Variants in GRIA4 observed in about 807,000 individuals in gnomAD.
GRIA4 encodes the protein glutamate receptor 4.
A neutral mutation model predicts 104.0 loss-of-function variants in GRIA4; 34 were observed. That is an observed-to-expected ratio of 0.33 (90% CI 0.25 to 0.44). GRIA4 has a LOEUF of 0.44. GRIA4 is among the 20% of genes least tolerant of loss of function. The pLI, the probability that GRIA4 is intolerant of heterozygous loss-of-function variation, is 1.00. For synonymous variants in GRIA4, 386 were observed against 381.9 expected (o/e 1.01, Z -0.13); for missense variants, 750 against 1,096.5 (o/e 0.68, Z 4.46).
At chr11:105,845,625 G>C (rs1250581475) in intron 4 of GRIA4, among the ~76,000 whole-genome samples, 1 of 152,178 alleles carries the variant, frequency 6.6e-6, no homozygotes, top group Non-Finnish European at 1.5e-5. Flanking sequence ...GCTCACGCCT[G>C]TAAGTCCCAG....
chr11:105,805,490 A>AC (rs1479122154), intron 4 of GRIA4, among the ~76,000 whole-genome samples: 3 of 151,106 alleles, frequency 2.0e-5, no homozygotes, highest in African/African-American at 7.3e-5. Context: ...AAAAAAAAAA[A>AC]AAAAAACAAG....
chr11:105,906,747 C>T (rs1184327303), intron 9 of GRIA4, among the ~76,000 whole-genome samples: 2 of 152,126 alleles, frequency 1.3e-5, no homozygotes, highest in African/African-American at 4.8e-5. Context: ...TCACAGCAGG[C>T]TCTTCTAAGG....
chr11:105,811,283 C>T (rs757011445), intron 4 of GRIA4, among the ~76,000 whole-genome samples: 1 of 152,134 alleles, frequency 6.6e-6, no homozygotes, highest in Non-Finnish European at 1.5e-5. Context: ...CAGTCTTAGA[C>T]TATAGAAGAG....
intron 3 of GRIA4, among the ~76,000 whole-genome samples, chr11:105,685,296 G>A (rs1952844010): frequency 6.6e-6 from 1 of 152,036 alleles, no homozygotes. Context: ...AGAAATGGAT[G>A]ACACTTCACC....
At chr11:105,848,963 C>G (rs1944696254) in intron 4 of GRIA4, among the ~76,000 whole-genome samples, 1 of 152,096 alleles carries the variant, frequency 6.6e-6, no homozygotes, top group African/African-American at 2.4e-5. Context: ...GAGGCCAAGG[C>G]AGGTGGATCA....
chr11:105,801,274 A>C (rs1942709597), intron 4 of GRIA4, among the ~76,000 whole-genome samples: 1 of 151,728 alleles, frequency 6.6e-6, no homozygotes, highest in African/African-American at 2.4e-5. Context: ...TGTGTGAAAA[A>C]TACAGAAAAA....
intron 4 of GRIA4, among the ~76,000 whole-genome samples, chr11:105,845,035 C>A (rs80350424): frequency 2.0e-5 from 3 of 152,232 alleles, no homozygotes; most frequent in African/African-American, 7.2e-5. Flanking sequence ...TTTACTTCCA[C>A]ATTTAGTGAC....
chr11:105,946,302 G>T (rs771720977), intron 14 of GRIA4, among the ~76,000 whole-genome samples: 1 of 152,148 alleles, frequency 6.6e-6, no homozygotes, highest in South Asian at 2.1e-4. Flanking sequence ...GAATTTAAAG[G>T]GGCGGTGCAG....
chr11:105,703,895 G>A (rs1297703120), intron 3 of GRIA4, among the ~76,000 whole-genome samples: 3 of 151,948 alleles, frequency 2.0e-5, no homozygotes, highest in Non-Finnish European at 2.9e-5. Flanking sequence ...TGCTGGAAAT[G>A]AGTTTCTTTG....
At chr11:105,723,359 A>G (rs1190565610) in intron 3 of GRIA4, among the ~76,000 whole-genome samples, 1 of 152,098 alleles carries the variant, frequency 6.6e-6, no homozygotes, top group Admixed American at 6.6e-5. Flanking sequence ...ATAATAACTT[A>G]CTGAATTAGG....
intron 4 of GRIA4, among the ~76,000 whole-genome samples, chr11:105,760,851 A>AT (rs1209841473): frequency 1.3e-5 from 2 of 151,784 alleles, no homozygotes; most frequent in Admixed American, 1.3e-4. Context: ...ACCCTTTGGG[A>AT]TTTTTTTCAT....
chr11:105,660,177 C>T (rs1316008538), intron 3 of GRIA4, among the ~76,000 whole-genome samples: 2 of 151,464 alleles, frequency 1.3e-5, no homozygotes, highest in African/African-American at 4.8e-5. Flanking sequence ...AAAGATAATT[C>T]CCTAGATCTC....
In GRIA4 at chr11:105,811,564, A is replaced by G. The variant is rs559925582; in HGVS notation, c.488-50460A>G. Among the ~76,000 whole-genome samples the G allele has an allele frequency of 1.6e-3, 244 of 152,264 alleles. 2 individuals are homozygous for G. Among genetic ancestry groups the G allele is most frequent in the African/African-American group, 5.7e-3 (237 of 41,564 alleles). ...CACGAATAAGAAAATGGCATTGTCTACATGTTTTAATGTTTTGAAAAAAAT... is the reference window on the plus strand; with the variant it reads ...CACGAATAAGAAAATGGCATTGTCTGCATGTTTTAATGTTTTGAAAAAAAT... On this transcript the variant is annotated intron_variant, in intron 4 of 16. Coordinates refer to ENST00000282499, the MANE Select transcript of GRIA4 (RefSeq NM_000829.4).
At chr11:105,632,459 C>T (rs1294660510) in intron 3 of GRIA4, among the ~76,000 whole-genome samples, 2 of 152,266 alleles carry the variant, frequency 1.3e-5, no homozygotes, top group Middle Eastern at 3.4e-3. Flanking sequence ...TGTAGAAGAG[C>T]ATAGCCTCTG....
chr11:105,972,665 G>GA (rs1858758226), intron 15 of GRIA4, among the ~76,000 whole-genome samples: 1 of 151,360 alleles, frequency 6.6e-6, no homozygotes, highest in South Asian at 2.1e-4. Context: ...AACAATGCAG[G>GA]AAAAAAATAA....
At chr11:105,910,570 G>C (rs764642982) in intron 10 of GRIA4, 25 bp downstream of exon 10, 1 of 1,232,344 alleles carries the variant, frequency 8.1e-7, no homozygotes, top group Non-Finnish European at 1.2e-6. Flanking sequence ...ATGCTTTATG[G>C]TGTTCCGTTT....
chr11:105,917,813 A>AGG (rs940499611), intron 10 of GRIA4, among the ~76,000 whole-genome samples: 5 of 67,660 alleles, frequency 7.4e-5, no homozygotes, highest in African/African-American at 2.5e-4. Context: ...GTTTGGTTTA[A>AGG]GGGTGTGTGT....
chr11:105,696,812 T>G (rs1953295209), intron 3 of GRIA4, among the ~76,000 whole-genome samples: 1 of 152,062 alleles, frequency 6.6e-6, no homozygotes. Flanking sequence ...TCGTCCAGGC[T>G]GGAGTGCAGT....
At chr11:105,845,797 T>C (rs1372655325) in intron 4 of GRIA4, among the ~76,000 whole-genome samples, 1 of 152,040 alleles carries the variant, frequency 6.6e-6, no homozygotes, top group African/African-American at 2.4e-5. Context: ...GGCAGGAGCC[T>C]CAGGAATGAC....
Sources: gnomAD v4.1 joint callset for allele counts (sites outside exome capture counted in the v4.1 genomes callset) on GRCh38, gnomAD v4.1.1 for gene constraint, MANE v1.5 for transcripts, NCBI Gene and HGNC (gene_info 2026-07-23, HGNC 2026-07-21) for gene names.